The following CTDP1 variants were observed in gnomAD, a reference collection of about 807,000 sequenced individuals.
CTDP1 encodes the protein RNA polymerase II subunit A C-terminal domain phosphatase.
In CTDP1, 47 loss-of-function variants were observed where a neutral mutation model predicts 91.8. That is an observed-to-expected ratio of 0.51 (90% CI 0.41 to 0.65). The LOEUF (loss-of-function observed/expected upper bound fraction) is 0.65. Ranked by LOEUF, CTDP1 falls within the 30% of genes least tolerant of loss-of-function variation. The pLI is 0.00. For synonymous variants in CTDP1, 656 were observed against 598.5 expected (o/e 1.10, Z -1.40); for missense variants, 1,272 against 1,373.7 (o/e 0.93, Z 1.17).
intron 5 of CTDP1, among the ~76,000 whole-genome samples, chr18:79,705,189 G>A (rs979880212): frequency 3.3e-5 from 5 of 152,130 alleles, no homozygotes; most frequent in Non-Finnish European, 7.4e-5. Flanking sequence ...AAACTTCTGC[G>A]AGCGTCCTCC....
At chr18:79,687,708 G>A (rs1167911788) in intron 1 of CTDP1, among the ~76,000 whole-genome samples, 1 of 151,836 alleles carries the variant, frequency 6.6e-6, no homozygotes, top group East Asian at 1.9e-4. Context: ...TCACTGGTGG[G>A]CATGCACCGG....
chr18:79,738,452 G>C (rs1448824556), intron 12 of CTDP1, among the ~76,000 whole-genome samples: 2 of 152,218 alleles, frequency 1.3e-5, no homozygotes, highest in African/African-American at 4.8e-5. Flanking sequence ...CCTGTGAAAT[G>C]AGGTAGGAGC....
Position 79,704,675 on chromosome 18 carries a change from TTCTCAGGATGCCTG to T in CTDP1, c.622-87_622-74del. ...AACGCTTGTCTGGGGCACACGTGTG[TTCTCAGGATGCCTG>T]TCTCGGGCACACAGGTTGCGGGGGC... On this transcript the variant is annotated intron_variant, in intron 4 of 12. Coordinates refer to ENST00000613122, the MANE Select transcript of CTDP1 (RefSeq NM_004715.5). 2.0e-6 allele frequency: 3 copies of T among 1,535,086 alleles called. No homozygotes were observed. The Admixed American group carries it at 5.0e-5, about 26-fold the overall frequency.
intron 2 of CTDP1, 46 bp from the exon 3 acceptor site, chr18:79,695,931 C>G (rs374658639): frequency 4.0e-6 from 6 of 1,485,334 alleles, no homozygotes; most frequent in Admixed American, 3.3e-5. Context: ...TGCATCTGTG[C>G]GCAGAGACTC....
intron 1 of CTDP1, among the ~76,000 whole-genome samples, chr18:79,686,332 T>G (rs1229172148): frequency 6.6e-6 from 1 of 152,232 alleles, no homozygotes; most frequent in Non-Finnish European, 1.5e-5. Context: ...TTTATGTGTG[T>G]TTTAAAAGTG....
downstream of CTDP1, chr18:79,755,245 G>C (rs1029373793): frequency 1.3e-5 from 2 of 152,146 alleles, no homozygotes; most frequent in African/African-American, 2.4e-5. Flanking sequence ...GTACTAACTA[G>C]GTTATTTGCA....
intron 11 of CTDP1, among the ~76,000 whole-genome samples, chr18:79,732,181 A>G (rs2086579520): frequency 6.6e-6 from 1 of 151,454 alleles, no homozygotes; most frequent in East Asian, 2.0e-4. Context: ...AAATCACCAG[A>G]CGTAAGAACT....
chr18:79,712,986 G>C lies in CTDP1; in HGVS notation c.878G>C (p.Cys293Ser). The change falls in exon 7 of 13, where the codon TGT (cysteine) becomes TCT (serine). Residue 293 changes from cysteine to serine, a missense_variant. Cys to Ser is a moderately radical substitution (Grantham distance 112). This residue lies in a region of CTDP1 where 177 missense variants were observed against 283.0 expected (regional missense o/e 0.63). Transcript: ENST00000613122. ...KTGNLRNLFP[C>S]GDSMVCIIDD... ...TTCACTTGTAGAAATCTCTTTCCTT[G>C]TGGAGACTCAATGGTTTGCATTATT... 2 of 1,613,972 alleles carry C rather than the reference G, an allele frequency of 1.2e-6. No homozygotes were observed. The highest frequency in any genetic ancestry group is 1.7e-6 in the Non-Finnish European group (2 of 1,179,952).
intron 12 of CTDP1, among the ~76,000 whole-genome samples, chr18:79,744,212 C>G (rs1436666871): frequency 1.3e-5 from 2 of 152,312 alleles, no homozygotes; most frequent in East Asian, 3.9e-4. Flanking sequence ...TGTCTCATGT[C>G]TCCCTAAAAT....
At chr18:79,743,878 A>T (rs2086830229) in intron 12 of CTDP1, among the ~76,000 whole-genome samples, 1 of 152,202 alleles carries the variant, frequency 6.6e-6, no homozygotes, top group Non-Finnish European at 1.5e-5. Context: ...CATGAAACTG[A>T]AGGGAAAAGT....
At chr18:79,714,081 C>T (rs1473882560) in intron 7 of CTDP1, among the ~76,000 whole-genome samples, 1 of 151,956 alleles carries the variant, frequency 6.6e-6, no homozygotes, top group Non-Finnish European at 1.5e-5. Flanking sequence ...TCTGCAGGGG[C>T]TTACGGTCAC....
At chr18:79,740,162 G>T in intron 12 of CTDP1, among the ~76,000 whole-genome samples, 1 of 136,874 alleles carries the variant, frequency 7.3e-6, no homozygotes, top group Non-Finnish European at 1.6e-5. Context: ...TCATACCCAC[G>T]GCCGGGACGG....
chr18:79,748,464 C>T lies in CTDP1; in HGVS notation c.2748-5188C>T, dbSNP rs183527826. 3.4e-4 allele frequency among the ~76,000 whole-genome samples: 52 copies of T among 152,356 alleles called. 1 individual carries two copies. Among genetic ancestry groups the T allele is most frequent in the Middle Eastern group, 3.4e-3 (1 of 294 alleles). ...GAAGCCGTTGACCTGGTCCCAGACA[C>T]TCAGCCTCATGGAAGCCCTGACCCT... On this transcript the variant is annotated intron_variant, in intron 12 of 12. Transcript: ENST00000613122.
At position 79,712,847 on chromosome 18, in the gene CTDP1, C is replaced by T. The variant is rs187573619; in HGVS notation, c.864-125C>T. On this transcript the variant is annotated intron_variant, in intron 6 of 12. Transcript: ENST00000613122. ...AAAGGGCTTCGGGGCGGTTGGTGTC[C>T]GTCTGATTAACCTGCTGTCTGCTGG... 24 of 1,009,594 alleles carry T rather than the reference C, an allele frequency of 2.4e-5. No homozygotes were observed. In the East Asian group the frequency reaches 4.9e-4, roughly 20 times the overall value. The allele number at this position is 1,009,594 out of a possible 1,614,324, so 62.5% of individuals were successfully genotyped here.
At chr18:79,704,144 G>T (rs1257146299) in intron 4 of CTDP1, among the ~76,000 whole-genome samples, 1 of 152,196 alleles carries the variant, frequency 6.6e-6, no homozygotes, top group Admixed American at 6.5e-5. Context: ...AGAGAAGGCC[G>T]CACTCACTCA....
chr18:79,704,700 A>G, intron 4 of CTDP1, 67 bp from the exon 5 acceptor site: 4 of 1,601,042 alleles, frequency 2.5e-6, no homozygotes, highest in East Asian at 2.2e-5. Context: ...TCTCGGGCAC[A>G]CAGGTTGCGG....
chr18:79,717,995 G>C lies in CTDP1; in HGVS notation c.2396G>C (p.Arg799Pro). ...GCACCCTCCAGCTCCCTACCCATCC[G>C]CCAGGAGCCCTCTTCCTTCAGGTAC... ...PPAPSSSLPI[R>P]QEPSSFRAVP... The change falls in exon 10 of 13, where the codon CGC becomes CCC. Residue 799 changes from arginine to proline, a missense_variant. Coordinates refer to ENST00000613122, the MANE Select transcript of CTDP1 (RefSeq NM_004715.5). The C allele has an allele frequency of 6.2e-7, 1 of 1,613,284 alleles. No homozygotes were observed.
Position 79,713,746 on chromosome 18 carries a change from G to A in CTDP1, c.1030+608G>A, listed in dbSNP as rs1314268381. Among the ~76,000 whole-genome samples the A allele has an allele frequency of 3.3e-5, 5 of 152,364 alleles. No individual in the cohort carries two copies. The highest frequency in any genetic ancestry group is 3.9e-4 in the East Asian group (2 of 5,190). On this transcript the variant is annotated intron_variant, in intron 7 of 12. Transcript: ENST00000613122. The surrounding 1 kb of genome is among the most constrained non-coding windows in gnomAD (Gnocchi z 4.7). ...TGAAACTAGGGGCATTCCTGTAGAA[G>A]GTAGAGACTTTCACCAGATGGGTGG... is the stretch of plus-strand genomic sequence containing the variant.
At chr18:79,693,763 C>T (rs886347336) in intron 1 of CTDP1, among the ~76,000 whole-genome samples, 6 of 152,152 alleles carry the variant, frequency 3.9e-5, no homozygotes, top group Non-Finnish European at 8.8e-5. Context: ...ATCCTCCTCC[C>T]CAGGAAGAAC....
Sources: gnomAD v4.1 joint callset for allele counts (sites outside exome capture counted in the v4.1 genomes callset) on GRCh38, gnomAD v4.1.1 for gene constraint, gnomAD v4.1.1 regional missense constraint, Gnocchi (gnomAD v3.1) non-coding constraint, MANE v1.5 for transcripts, NCBI Gene and HGNC (gene_info 2026-07-23, HGNC 2026-07-21) for gene names.